The following NUBPL variants were observed in gnomAD, a reference collection of about 807,000 sequenced individuals.
NUBPL encodes NUBP iron-sulfur cluster assembly factor, mitochondrial.
A neutral mutation model predicts 45.7 loss-of-function variants in NUBPL; 31 were observed. The ratio of observed to expected loss-of-function variants is 0.68; its 90% CI spans 0.51 to 0.92. The LOEUF (loss-of-function observed/expected upper bound fraction) is 0.92. NUBPL is among the 40% of genes least tolerant of loss of function. The pLI, the probability that NUBPL is intolerant of heterozygous loss-of-function variation, is 0.00. For missense variants in NUBPL, 401 were observed against 398.7 expected (o/e 1.01, Z -0.05); for synonymous variants, 144 against 140.9 (o/e 1.02, Z -0.15).
chr14:31,809,456 G>A (rs1324139620), intron 7 of NUBPL, among the ~76,000 whole-genome samples: 2 of 151,980 alleles, frequency 1.3e-5, no homozygotes, highest in African/African-American at 4.8e-5. Context: ...TGGGATTGGT[G>A]GTGATATCAC....
chr14:31,573,423 C>T (rs896786846), intron 3 of NUBPL, among the ~76,000 whole-genome samples: 1 of 152,134 alleles, frequency 6.6e-6, no homozygotes, highest in Non-Finnish European at 1.5e-5. Context: ...GGGTACTAGT[C>T]TGGTCTGTCT....
intron 6 of NUBPL, among the ~76,000 whole-genome samples, chr14:31,726,087 T>G (rs1220197804): frequency 6.6e-6 from 1 of 152,188 alleles, no homozygotes; most frequent in Non-Finnish European, 1.5e-5. Context: ...AGTTGGTAAA[T>G]GTTATGGCCT....
intron 6 of NUBPL, among the ~76,000 whole-genome samples, chr14:31,741,596 G>A (rs1279512752): frequency 6.6e-6 from 1 of 152,142 alleles, no homozygotes; most frequent in Non-Finnish European, 1.5e-5. Context: ...GTGAGAACCT[G>A]GCTGAGTTCA....
intron 6 of NUBPL, among the ~76,000 whole-genome samples, chr14:31,698,886 G>A (rs532303447): frequency 2.0e-5 from 3 of 148,604 alleles, no homozygotes; most frequent in Admixed American, 6.7e-5. Flanking sequence ...ACAGAGTCTC[G>A]CTTTGTCACC....
intron 4 of NUBPL, among the ~76,000 whole-genome samples, chr14:31,666,151 A>G (rs1298535219): frequency 6.8e-6 from 1 of 146,652 alleles, no homozygotes; most frequent in Non-Finnish European, 1.5e-5. Flanking sequence ...AATACAGTAC[A>G]CTGATGGGTC....
At chr14:31,683,533 A>G (rs1047263397) in intron 6 of NUBPL, among the ~76,000 whole-genome samples, 4 of 151,702 alleles carry the variant, frequency 2.6e-5, no homozygotes, top group African/African-American at 9.7e-5. Context: ...TTGTATTTTT[A>G]GTAGAGACGG....
At chr14:31,625,406 C>G (rs2035178689) in intron 4 of NUBPL, among the ~76,000 whole-genome samples, 1 of 151,922 alleles carries the variant, frequency 6.6e-6, no homozygotes, top group African/African-American at 2.4e-5. Context: ...TATTGAGTAT[C>G]TCTAGCCTAG....
chr14:31,841,257 A>G (rs2040365201), intron 8 of NUBPL, among the ~76,000 whole-genome samples: 1 of 152,242 alleles, frequency 6.6e-6, no homozygotes, highest in African/African-American at 2.4e-5. Flanking sequence ...TTATGTAGAT[A>G]CTGCCAAACA....
intron 6 of NUBPL, among the ~76,000 whole-genome samples, chr14:31,787,360 A>AT (rs1282150092): frequency 6.6e-6 from 1 of 152,116 alleles, no homozygotes; most frequent in Admixed American, 6.5e-5. Flanking sequence ...TTATTAGTGT[A>AT]TTTTTGTGAA....
At chr14:31,598,537 T>C (rs2139554223) in intron 3 of NUBPL, among the ~76,000 whole-genome samples, 1 of 152,302 alleles carries the variant, frequency 6.6e-6, no homozygotes, top group South Asian at 2.1e-4. Context: ...AAAAGAGACA[T>C]ATTTTTTAAT....
rs113629551 is a variant in NUBPL, at chr14:31,561,606, C to G, written c.108+59C>G. On this transcript the variant is annotated intron_variant, in intron 1 of 10. Coordinates refer to ENST00000281081, the MANE Select transcript of NUBPL (RefSeq NM_025152.3). ...TGACAGATGCTGGGCTGCAGGGCCG[C>G]AGATGCCCTGGCATTGCTTCTTGCC... is the stretch of plus-strand genomic sequence containing the variant. 1,846 of 1,128,090 alleles carry G rather than the reference C, an allele frequency of 1.6e-3. 17 individuals are homozygous for G. In the African/African-American group the frequency reaches 0.027, roughly 16 times the overall value. 69.9% of individuals were successfully genotyped at this position (1,128,090 alleles called of 1,614,324 possible).
intron 7 of NUBPL, among the ~76,000 whole-genome samples, chr14:31,811,027 C>G (rs373313237): frequency 6.6e-6 from 1 of 152,186 alleles, no homozygotes; most frequent in African/African-American, 2.4e-5. Context: ...TTAACCCGCC[C>G]TTTCTCTCTG....
intron 6 of NUBPL, among the ~76,000 whole-genome samples, chr14:31,705,171 A>C (rs1384849755): frequency 6.6e-6 from 1 of 150,852 alleles, no homozygotes; most frequent in Non-Finnish European, 1.5e-5. Context: ...TGTTACTCTC[A>C]TCCGGAGTTG....
At position 31,708,793 on chromosome 14, in the gene NUBPL, C is replaced by T. The variant is rs139111029; in HGVS notation, c.513+35219C>T. Reference sequence around the variant, plus strand: ...GGCACCCTCAGTCCTGTTGTTGGATCATCTGGTTGGGGGCCTCTGACCCAG... The same window carrying T: ...GGCACCCTCAGTCCTGTTGTTGGATTATCTGGTTGGGGGCCTCTGACCCAG... On this transcript the variant is annotated intron_variant, in intron 6 of 10. Transcript: ENST00000281081. 2.8e-3 allele frequency among the ~76,000 whole-genome samples: 420 copies of T among 152,298 alleles called. 10 individuals carry two copies. In the East Asian group the frequency reaches 0.044, roughly 16 times the overall value.
intron 10 of NUBPL, among the ~76,000 whole-genome samples, chr14:31,853,463 TC>T (rs1441898207): frequency 6.6e-6 from 1 of 152,114 alleles, no homozygotes; most frequent in African/African-American, 2.4e-5. Flanking sequence ...TACTCCACCT[TC>T]TCCATTTTCT....
In NUBPL at chr14:31,828,071, A is replaced by G. The variant is rs1298216686; in HGVS notation, c.693+1357A>G. On this transcript the variant is annotated intron_variant, in intron 8 of 10. Coordinates refer to ENST00000281081, the MANE Select transcript of NUBPL (RefSeq NM_025152.3). ...GTATGCTTACCTTCCAGGTGGTCCA[A>G]GGGTTTTTCACTAGCAGGTTTATAA... Among the ~76,000 whole-genome samples, 4 of 152,220 alleles carry G rather than the reference A, an allele frequency of 2.6e-5. 1 individual carries two copies. Among genetic ancestry groups the G allele is most frequent in the Admixed American group, 1.3e-4 (2 of 15,284 alleles).
At chr14:31,683,867 T>C (rs2036894610) in intron 6 of NUBPL, among the ~76,000 whole-genome samples, 1 of 152,204 alleles carries the variant, frequency 6.6e-6, no homozygotes, top group Admixed American at 6.5e-5. Flanking sequence ...TATAGAATTT[T>C]GAGTTGACAT....
At chr14:31,732,364 T>A (rs1290013986) in intron 6 of NUBPL, among the ~76,000 whole-genome samples, 2 of 151,970 alleles carry the variant, frequency 1.3e-5, no homozygotes, top group Non-Finnish European at 2.9e-5. Context: ...GAATCTTTTT[T>A]AAAAACACTT....
At chr14:31,658,661 C>T (rs923204820) in intron 4 of NUBPL, among the ~76,000 whole-genome samples, 27 of 152,094 alleles carry the variant, frequency 1.8e-4, no homozygotes, top group Admixed American at 1.3e-3. Flanking sequence ...TTCAGGCACG[C>T]GCTACCATGC....
Sources: allele counts gnomAD v4.1 joint callset (sites outside exome capture counted in the v4.1 genomes callset), GRCh38; gene constraint gnomAD v4.1.1; transcripts MANE v1.5; gene names NCBI Gene and HGNC (gene_info 2026-07-23, HGNC 2026-07-21).